The following HRH1 variants were observed in gnomAD, a reference collection of about 807,000 sequenced individuals.
The protein encoded by HRH1 is histamine receptor H1, also known as histamine H1 receptor.
In HRH1, 6 loss-of-function variants were observed where a neutral mutation model predicts 10.3. The ratio of observed to expected loss-of-function variants is 0.58; its 90% CI spans 0.32 to 1.15. The LOEUF is 1.15. HRH1 is among the 50% of genes most tolerant of loss of function. The pLI is 0.05. For missense variants in HRH1, 514 were observed against 615.3 expected, an observed-to-expected ratio of 0.84 and a Z score of 1.74; for synonymous variants, 242 against 236.7, an observed-to-expected ratio of 1.02 and a Z score of -0.21.
At chr3:11,159,691 G>C (rs1468614221) in intron 1 of HRH1, among the ~76,000 whole-genome samples, 5 of 152,204 alleles carry the variant, frequency 3.3e-5, no homozygotes. Flanking sequence ...TTGGTATCAA[G>C]GTTATGCTGG....
At chr3:11,258,483 T>A (rs1172982136) in intron 1 of HRH1, among the ~76,000 whole-genome samples, 2 of 152,172 alleles carry the variant, frequency 1.3e-5, no homozygotes, top group East Asian at 3.8e-4. Flanking sequence ...CAACAATTTT[T>A]GTTGTTTTGA....
At chr3:11,167,960 T>C (rs1179555580) in intron 1 of HRH1, among the ~76,000 whole-genome samples, 1 of 152,166 alleles carries the variant, frequency 6.6e-6, no homozygotes, top group Non-Finnish European at 1.5e-5. Flanking sequence ...CCTGCCTTCC[T>C]AGGGCTTCCA....
intron 1 of HRH1, among the ~76,000 whole-genome samples, chr3:11,144,493 A>G (rs1298921626): frequency 6.6e-6 from 1 of 150,544 alleles, no homozygotes; most frequent in Non-Finnish European, 1.5e-5. Context: ...ACACACACAC[A>G]CACGCCACAC....
chr3:11,259,644 A>G lies in HRH1; in HGVS notation c.607A>G (p.Thr203Ala). The G allele has an allele frequency of 6.2e-7, 1 of 1,613,768 alleles. No homozygotes were observed. The highest frequency in any genetic ancestry group is 8.5e-7 in the Non-Finnish European group (1 of 1,179,968). The change falls in exon 2 of 2, where the codon ACC becomes GCC. Residue 203 changes from threonine (T) to alanine (A), a missense_variant. Thr to Ala is a moderately conservative substitution (Grantham distance 58). Transcript: ENST00000431010. This position sits in a 1 kb window ranked among gnomAD's most constrained non-coding sequence, Gnocchi z 4.6. Reference sequence around the variant, plus strand: ...TGCCATCATCAACTTCTACCTGCCCACCTTGCTCATGCTCTGGTTCTATGC... The same window carrying G: ...TGCCATCATCAACTTCTACCTGCCCGCCTTGCTCATGCTCTGGTTCTATGC... ...MTAIINFYLP[T>A]LLMLWFYAKI...
intron 1 of HRH1, among the ~76,000 whole-genome samples, chr3:11,185,892 C>G (rs778389266): frequency 7.9e-5 from 12 of 152,222 alleles, no homozygotes; most frequent in Middle Eastern, 3.4e-3. Flanking sequence ...TCCCAGGGCT[C>G]CGGCACTTGC....
chr3:11,206,716 C>A (rs1212667277), intron 1 of HRH1, among the ~76,000 whole-genome samples: 1 of 152,232 alleles, frequency 6.6e-6, no homozygotes, highest in Non-Finnish European at 1.5e-5. Context: ...GGAAGTCAAA[C>A]CCTCTGTGCC....
At chr3:11,193,330 A>C (rs1375919020) in intron 1 of HRH1, among the ~76,000 whole-genome samples, 1 of 152,170 alleles carries the variant, frequency 6.6e-6, no homozygotes, top group East Asian at 1.9e-4. Flanking sequence ...AAAACTATTA[A>C]TATCAGGCTA....
Position 11,259,303 on chromosome 3 carries a change from T to C in HRH1, c.266T>C (p.Leu89Pro). 1 of 1,613,562 alleles carries C rather than the reference T, an allele frequency of 6.2e-7. No homozygotes were observed. Among genetic ancestry groups the C allele is most frequent in the Non-Finnish European group, 8.5e-7 (1 of 1,179,936 alleles). ...VVMPMNILYL[L>P]MSKWSLGRPL... ...ATGCCTATGAACATCCTCTACCTGC[T>C]CATGTCCAAGTGGTCACTGGGCCGT... Residue 89 changes from leucine to proline, a missense_variant, in exon 2 of 2, where the codon CTC becomes CCC. Transcript: ENST00000431010. The surrounding 1 kb of genome is among the most constrained non-coding windows in gnomAD (Gnocchi z 4.6).
intron 1 of HRH1, among the ~76,000 whole-genome samples, chr3:11,161,380 G>A (rs1363671235): frequency 6.6e-6 from 1 of 152,108 alleles, no homozygotes; most frequent in Admixed American, 6.5e-5. Flanking sequence ...TTTGTTCCTG[G>A]AGAGAATCAC....
chr3:11,257,127 C>T (rs1939802036), intron 1 of HRH1, among the ~76,000 whole-genome samples: 1 of 150,768 alleles, frequency 6.6e-6, no homozygotes, highest in South Asian at 2.1e-4. Context: ...GTGGTGGGTG[C>T]CTGTAATTGT....
At chr3:11,219,646 G>C (rs1399356533) in intron 1 of HRH1, among the ~76,000 whole-genome samples, 1 of 148,380 alleles carries the variant, frequency 6.7e-6, no homozygotes, top group Non-Finnish European at 1.5e-5. Flanking sequence ...CCGGGAGGTG[G>C]AGCTTGCAGT....
rs1371536116 is a variant in HRH1, at chr3:11,262,997, T to G, written c.*2496T>G. 2 of 167,076 alleles carry G rather than the reference T, an allele frequency of 1.2e-5. No individual in the cohort carries two copies. The highest frequency in any genetic ancestry group is 4.8e-5 in the African/African-American group (2 of 41,454). 10.3% of individuals were successfully genotyped at this position (167,076 alleles called of 1,614,324 possible). A position where few individuals can be genotyped will look rare whatever the true frequency, so the allele number is the denominator to read the frequency against. On this transcript the variant is annotated 3_prime_UTR_variant, in exon 2 of 2. Transcript: ENST00000431010. ...TAATGTTGCCTTTACAACAACCTCA[T>G]GAGGGAGATTTCCATCTTTACAAAT...
intron 1 of HRH1, among the ~76,000 whole-genome samples, chr3:11,211,888 A>G (rs1465376382): frequency 2.0e-5 from 3 of 152,240 alleles, no homozygotes; most frequent in African/African-American, 4.8e-5. Context: ...GACAGGCTGT[A>G]TCAGAATCAT....
chr3:11,178,396 T>C lies in HRH1; in HGVS notation c.-36+23842T>C, dbSNP rs147806195. On this transcript the variant is annotated intron_variant, in intron 1 of 1. Coordinates refer to ENST00000431010, the MANE Select transcript of HRH1 (RefSeq NM_001098212.2). ...AAATCCCAGGCCCCTTATTTCCCCG[T>C]TGGGTGCCTGGAGGTGACAGTGTTA... Among the ~76,000 whole-genome samples, 11 of 152,324 alleles carry C rather than the reference T, an allele frequency of 7.2e-5. No individual in the cohort carries two copies. The East Asian group carries it at 2.1e-3, about 29-fold the overall frequency.
At chr3:11,186,785 G>A (rs1036175227) in intron 1 of HRH1, among the ~76,000 whole-genome samples, 2 of 152,150 alleles carry the variant, frequency 1.3e-5, no homozygotes, top group African/African-American at 2.4e-5. Flanking sequence ...ATCTGCTCTA[G>A]GTAATCAGGC....
chr3:11,251,015 G>A (rs1429184774), intron 1 of HRH1, among the ~76,000 whole-genome samples: 1 of 152,172 alleles, frequency 6.6e-6, no homozygotes, highest in African/African-American at 2.4e-5. Flanking sequence ...GGCTTAGACA[G>A]CATTTCCTTC....
At chr3:11,147,747 G>T (rs189460198) in intron 1 of HRH1, among the ~76,000 whole-genome samples, 17 of 152,320 alleles carry the variant, frequency 1.1e-4, no homozygotes, top group Admixed American at 7.2e-4. Context: ...CCATTTTACA[G>T]ATGGAGAAAT....
chr3:11,192,499 A>G (rs7639145), intron 1 of HRH1, among the ~76,000 whole-genome samples: 80,447 of 152,026 alleles, frequency 0.53, 21,530 homozygotes, highest in Admixed American at 0.6. Flanking sequence ...AGGGTGCCCC[A>G]TTTGGGGTGA....
chr3:11,179,635 A>T (rs555131120), intron 1 of HRH1, among the ~76,000 whole-genome samples: 1 of 151,708 alleles, frequency 6.6e-6, no homozygotes, highest in East Asian at 1.9e-4. Flanking sequence ...AAAAAAAAGA[A>T]AGAAAGAAAG....
Sources: gnomAD v4.1 joint callset for allele counts (sites outside exome capture counted in the v4.1 genomes callset) on GRCh38, gnomAD v4.1.1 for gene constraint, Gnocchi (gnomAD v3.1) non-coding constraint, MANE v1.5 for transcripts, NCBI Gene and HGNC (gene_info 2026-07-23, HGNC 2026-07-21) for gene names.